Variants in TRAT1 observed in about 807,000 individuals in gnomAD.
The protein encoded by TRAT1 is T-cell receptor-associated transmembrane adapter 1.
A neutral mutation model predicts 20.0 loss-of-function variants in TRAT1; 20 were observed. That is an observed-to-expected ratio of 1.00 (90% CI 0.70 to 1.45). TRAT1 has a LOEUF of 1.45. Among genes scored for constraint, TRAT1 ranks in the 40% most tolerant of loss-of-function variants. TRAT1 has a pLI of 0.00. For synonymous variants in TRAT1, 77 were observed against 74.2 expected (o/e 1.04, Z -0.20); for missense variants, 237 against 224.1 (o/e 1.06, Z -0.37).
intron 1 of TRAT1, among the ~76,000 whole-genome samples, chr3:108,825,552 C>A (rs537641921): frequency 3.3e-5 from 5 of 152,020 alleles, no homozygotes; most frequent in Non-Finnish European, 4.4e-5. Flanking sequence ...ATCTTTTAAA[C>A]TCAGATGGGT....
chr3:108,850,859 T>G lies in TRAT1; in HGVS notation c.303+1605T>G, dbSNP rs528976400. Reference sequence around the variant, plus strand: ...AAGTACTGAGAATTCTGAATAGAAGTTACTATTTAATACACATGACTTGTA... The same window carrying G: ...AAGTACTGAGAATTCTGAATAGAAGGTACTATTTAATACACATGACTTGTA... On this transcript the variant is annotated intron_variant, in intron 5 of 5. Transcript: ENST00000295756. Among the ~76,000 whole-genome samples the G allele has an allele frequency of 4.7e-4, 71 of 152,324 alleles. 1 individual carries two copies. The East Asian group carries it at 0.013, about 27-fold the overall frequency.
intron 2 of TRAT1, among the ~76,000 whole-genome samples, chr3:108,832,355 T>A (rs1945802349): frequency 6.6e-6 from 1 of 152,202 alleles, no homozygotes; most frequent in South Asian, 2.1e-4. Flanking sequence ...TGACAAGCAA[T>A]CTTTTTCATT....
intron 3 of TRAT1, among the ~76,000 whole-genome samples, chr3:108,843,572 C>A (rs1056046589): frequency 6.6e-6 from 1 of 151,882 alleles, no homozygotes; most frequent in Admixed American, 6.6e-5. Flanking sequence ...ACAACAACAA[C>A]AAAACTAGAT....
intron 2 of TRAT1, among the ~76,000 whole-genome samples, chr3:108,833,904 C>G (rs961821789): frequency 6.6e-6 from 1 of 151,898 alleles, no homozygotes; most frequent in Admixed American, 6.6e-5. Flanking sequence ...ACCTAGTGGC[C>G]GTGTTGTTTC....
intron 3 of TRAT1, among the ~76,000 whole-genome samples, chr3:108,844,103 T>C (rs1224005005): frequency 6.6e-6 from 1 of 152,220 alleles, no homozygotes; most frequent in East Asian, 1.9e-4. Flanking sequence ...GCTTGTCCTT[T>C]CCCATCTCTG....
Position 108,822,908 on chromosome 3 carries a change from T to G in TRAT1, c.-20T>G. On this transcript the variant is annotated 5_prime_UTR_variant, in exon 1 of 6. Transcript: ENST00000295756. ...TATTTGTCTTATGGCTAGATAAAGA[T>G]TTCTCTGAAAAAAAGAAGCATGTCA... The G allele has an allele frequency of 1.2e-6, 2 of 1,608,826 alleles. No homozygotes were observed. Among genetic ancestry groups the G allele is most frequent in the Non-Finnish European group, 1.7e-6 (2 of 1,176,256 alleles).
chr3:108,843,464 A>G (rs1945913503), intron 3 of TRAT1, among the ~76,000 whole-genome samples: 1 of 152,116 alleles, frequency 6.6e-6, no homozygotes, highest in South Asian at 2.1e-4. Context: ...CAGGAGGCGG[A>G]GGTTGCAGTG....
At position 108,846,001 on chromosome 3, in the gene TRAT1, G is replaced by T. The variant is rs538903141; in HGVS notation, c.153-1067G>T. On this transcript the variant is annotated intron_variant, in intron 3 of 5. Coordinates refer to ENST00000295756, the MANE Select transcript of TRAT1 (RefSeq NM_016388.4). Reference sequence around the variant, plus strand: ...CAAGAGCAAATAGCTGTGTATTCTTGTCAGTTCTCTTGACCTGAGGGTCGG... The same window carrying T: ...CAAGAGCAAATAGCTGTGTATTCTTTTCAGTTCTCTTGACCTGAGGGTCGG... Among the ~76,000 whole-genome samples the T allele has an allele frequency of 3.3e-5, 5 of 152,306 alleles. No homozygotes were observed. In the East Asian group the frequency reaches 9.6e-4, roughly 29 times the overall value.
intron 3 of TRAT1, among the ~76,000 whole-genome samples, chr3:108,841,126 A>C (rs1460602504): frequency 6.6e-6 from 1 of 152,240 alleles, no homozygotes; most frequent in South Asian, 2.1e-4. Flanking sequence ...AGAAGTGAGA[A>C]AAGAAGGACC....
At chr3:108,827,821 T>C (rs1480316575) in intron 1 of TRAT1, among the ~76,000 whole-genome samples, 1 of 152,088 alleles carries the variant, frequency 6.6e-6, no homozygotes, top group Non-Finnish European at 1.5e-5. Context: ...CCTAAAGAAA[T>C]GTACAGTGTG....
intron 2 of TRAT1, among the ~76,000 whole-genome samples, chr3:108,838,356 TGATAGATAGATAGATAGATA>T (rs11371183): frequency 1.6e-4 from 12 of 77,036 alleles, no homozygotes; most frequent in Non-Finnish European, 2.3e-4. Flanking sequence ...TATAGATAGA[TGATAGATAGATAGATAGATA>T]GATAGATAGA....
intron 1 of TRAT1, among the ~76,000 whole-genome samples, chr3:108,825,445 T>G (rs1419085473): frequency 6.6e-6 from 1 of 152,130 alleles, no homozygotes; most frequent in African/African-American, 2.4e-5. Flanking sequence ...GGAGTCTCAT[T>G]GTCTTTACTC....
chr3:108,829,092 C>T (rs1236651704), intron 1 of TRAT1, among the ~76,000 whole-genome samples: 1 of 152,136 alleles, frequency 6.6e-6, no homozygotes, highest in Non-Finnish European at 1.5e-5. Flanking sequence ...ATTTCTAAAG[C>T]AGGGTTACAA....
chr3:108,841,768 T>C (rs766146397), intron 3 of TRAT1, among the ~76,000 whole-genome samples: 9 of 152,134 alleles, frequency 5.9e-5, no homozygotes, highest in Non-Finnish European at 1.0e-4. Flanking sequence ...GAAAATCAAA[T>C]ACACACTTTC....
intron 1 of TRAT1, among the ~76,000 whole-genome samples, chr3:108,829,617 A>ACACACACACACACACACACACAC (rs71103494): frequency 6.6e-6 from 1 of 151,066 alleles, no homozygotes; most frequent in African/African-American, 2.4e-5. Context: ...ACACACACAC[A>ACACACACACACACACACACACAC]ACGTTTTGGT....
chr3:108,834,743 G>A (rs901759772), intron 2 of TRAT1, among the ~76,000 whole-genome samples: 1 of 152,160 alleles, frequency 6.6e-6, no homozygotes, highest in Non-Finnish European at 1.5e-5. Context: ...AGTTTTGCTG[G>A]TGTAATAAAT....
intron 2 of TRAT1, among the ~76,000 whole-genome samples, chr3:108,833,305 C>G (rs930391665): frequency 1.3e-5 from 2 of 152,128 alleles, no homozygotes; most frequent in Admixed American, 6.5e-5. Context: ...GTAATCCCAG[C>G]TACTCGGGAG....
At chr3:108,850,040 G>A (rs1222580350) in intron 5 of TRAT1, among the ~76,000 whole-genome samples, 2 of 152,124 alleles carry the variant, frequency 1.3e-5, no homozygotes, top group Non-Finnish European at 2.9e-5. Context: ...TTACGTGTTG[G>A]TCTTGTACTA....
Position 108,830,762 on chromosome 3 carries a change from G to A in TRAT1, c.100G>A (p.Val34Met), listed in dbSNP as rs1945785370. ...ISLIFNISHY[V>M]EKQRQDKMYS... Reference sequence around the variant, plus strand: ...ACTGATCTTCAATATTTCCCACTATGTGGAAAAGCAACGACAAGGTAAGAC... The same window carrying A: ...ACTGATCTTCAATATTTCCCACTATATGGAAAAGCAACGACAAGGTAAGAC... The change falls in exon 2 of 6, where the codon GTG becomes ATG. Residue 34 changes from valine to methionine, a missense_variant. Physicochemically the swap from Val to Met is conservative, Grantham distance 21. Transcript: ENST00000295756. 2.5e-6 allele frequency: 4 copies of A among 1,612,258 alleles called. No homozygotes were observed. Among genetic ancestry groups the A allele is most frequent in the Non-Finnish European group, 3.4e-6 (4 of 1,178,342 alleles).
Sources: gnomAD v4.1 joint callset for allele counts (sites outside exome capture counted in the v4.1 genomes callset) on GRCh38, gnomAD v4.1.1 for gene constraint, MANE v1.5 for transcripts, NCBI Gene and HGNC (gene_info 2026-07-23, HGNC 2026-07-21) for gene names.